DNAH10: variants seen among roughly 807,000 people sequenced by gnomAD.
The protein encoded by DNAH10 is dynein axonemal heavy chain 10, also known as axonemal beta dynein heavy chain 10.
In DNAH10, 348 loss-of-function variants were observed where a neutral mutation model predicts 506.6. The ratio of observed to expected loss-of-function variants is 0.69; its 90% confidence interval spans 0.63 to 0.75. The LOEUF (loss-of-function observed/expected upper bound fraction) is 0.75, where lower values mean the gene tolerates loss of function less well. Ranked by LOEUF, DNAH10 falls within the 30% of genes least tolerant of loss-of-function variation. DNAH10 has a pLI of 0.00. For missense variants in DNAH10, 5,179 were observed against 5,787.1 expected, an observed-to-expected ratio of 0.89 and a Z score of 3.41; for synonymous variants, 2,059 against 2,198.6, an observed-to-expected ratio of 0.94 and a Z score of 1.78.
At chr12:123,901,053 C>T (rs550868996) in intron 56 of DNAH10, among the ~76,000 whole-genome samples, 1 of 152,226 alleles carries the variant, frequency 6.6e-6, no homozygotes, top group Non-Finnish European at 1.5e-5. Flanking sequence ...AATCCTCTCT[C>T]CTGAGGGTGG....
rs938602938 is a variant in DNAH10 at position 123,868,611 on chromosome 12, G to A, written c.7519+492G>A. On this transcript the variant is annotated intron_variant, in intron 43 of 78. Coordinates refer to ENST00000673944, the MANE Select transcript of DNAH10 (RefSeq NM_001372106.1). ...ACATTTTATGTTTTTGCACAAAAAT[G>A]TGCATCTTCAATGAATCATACATGA... Among the ~76,000 whole-genome samples, 4 of 152,198 alleles carry A rather than the reference G, an allele frequency of 2.6e-5. No homozygotes were observed. The South Asian group carries it at 6.2e-4, about 24-fold the overall frequency.
At position 123,841,358 on chromosome 12, in the gene DNAH10, G is replaced by A. The variant is rs762922513; in HGVS notation, c.5173G>A (p.Gly1725Ser). The change falls in exon 30 of 79, where the codon GGC (glycine) becomes AGC (serine). Residue 1725 changes from glycine to serine, a missense_variant. This residue lies in a region of DNAH10 where 4,844 missense variants were observed against 5,430.5 expected (regional missense o/e 0.89). Coordinates refer to ENST00000673944, the MANE Select transcript of DNAH10 (RefSeq NM_001372106.1). ...DNIASLRFND[G>S]DSGEKLVSAM... ...CATAGCATCACTGAGGTTTAATGAC[G>A]GCGATAGTGGAGAAAAACTGGTGTC... 4 of 1,613,816 alleles carry A rather than the reference G, an allele frequency of 2.5e-6. No individual in the cohort carries two copies. Among genetic ancestry groups the A allele is most frequent in the South Asian group, 2.2e-5 (2 of 91,080 alleles).
At chr12:123,918,514 C>A in intron 64 of DNAH10, 162 bp from the exon 65 acceptor site, 1 of 767,040 alleles carries the variant, frequency 1.3e-6, no homozygotes, top group Non-Finnish European at 1.9e-6. Flanking sequence ...AAATATTCAC[C>A]CCTTCCTACA....
At chr12:123,776,635 C>T (rs114640564) in intron 5 of DNAH10, among the ~76,000 whole-genome samples, 2,052 of 136,514 alleles carry the variant, frequency 0.015, 53 homozygotes, top group African/African-American at 0.059. Flanking sequence ...TATTCCATCT[C>T]TAAAAAAAAA....
At chr12:123,929,891 A>G (rs899266995) in intron 72 of DNAH10, 132 bp downstream of exon 72, 44 of 760,356 alleles carry the variant, frequency 5.8e-5, no homozygotes, top group Non-Finnish European at 6.4e-6. Context: ...TTCTGTGACA[A>G]TTCTCTCTGC....
In DNAH10 at chr12:123,931,980, G is replaced by C; in HGVS notation, c.13168G>C (p.Asp4390His). The C allele has an allele frequency of 6.2e-7, 1 of 1,614,072 alleles. No individual in the cohort carries two copies. ...GEVGMSNELD[D>H]VARSLFIGHI... ...AGTTGGAATGAGCAATGAGTTAGAT[G>C]ATGTGGCCAGGTCTCTTTTTATCGG... The change falls in exon 76 of 79, where the codon GAT (aspartate) becomes CAT (histidine). Residue 4390 changes from aspartate to histidine, a missense_variant. Coordinates refer to ENST00000673944, the MANE Select transcript of DNAH10 (RefSeq NM_001372106.1).
chr12:123,887,341 G>C (rs369912156), intron 52 of DNAH10, 28 bp downstream of exon 52: 24 of 1,605,518 alleles, frequency 1.5e-5, no homozygotes, highest in Middle Eastern at 1.7e-4. Flanking sequence ...GCCCGCTGTG[G>C]CCAACACCCC....
At chr12:123,814,609 ATTTT>A (rs1214217837) in intron 21 of DNAH10, among the ~76,000 whole-genome samples, 1,293 of 121,134 alleles carry the variant, frequency 0.011, 12 homozygotes, top group African/African-American at 0.041. Context: ...GGCCAGGTAG[ATTTT>A]TTTTTTTTTT....
At position 123,875,440 on chromosome 12, in the gene DNAH10, A is replaced by G; in HGVS notation, c.8148A>G (p.Ser2716=). Residue 2716 remains serine (S), a synonymous_variant, in exon 47 of 79, where the codon TCA becomes TCG. Coordinates refer to ENST00000673944, the MANE Select transcript of DNAH10 (RefSeq NM_001372106.1). ...GTGTCTTCAATGTGCCATTTCCTTC[A>G]GAGGAGTCTCTGCATTTAATTTATT... The part of the protein sequence containing the change: ...LFSVFNVPFP[S]EESLHLIYSS... The G allele has an allele frequency of 6.2e-7, 1 of 1,614,064 alleles. No homozygotes were observed. The highest frequency in any genetic ancestry group is 8.5e-7 in the Non-Finnish European group (1 of 1,179,904).
At chr12:123,770,532 CTAA>C (rs1035579383) in intron 2 of DNAH10, among the ~76,000 whole-genome samples, 1 of 139,766 alleles carries the variant, frequency 7.2e-6, no homozygotes, top group Non-Finnish European at 1.5e-5. Context: ...TGCTAGTTCT[CTAA>C]TAATGTTGGT....
At chr12:123,877,680 C>T in intron 47 of DNAH10, 56 bp from the exon 48 acceptor site, 1 of 1,541,542 alleles carries the variant, frequency 6.5e-7, no homozygotes, top group Non-Finnish European at 8.7e-7. Flanking sequence ...TTTGTTTATT[C>T]ACTCATCTAC....
intron 52 of DNAH10, among the ~76,000 whole-genome samples, chr12:123,887,831 G>A (rs1168860174): frequency 3.3e-5 from 5 of 151,214 alleles, no homozygotes; most frequent in Admixed American, 6.6e-5. Context: ...TGCAAGCTCC[G>A]CCTCCTGGGT....
chr12:123,904,290 C>T (rs1594335392), intron 57 of DNAH10, among the ~76,000 whole-genome samples: 2 of 152,108 alleles, frequency 1.3e-5, no homozygotes, highest in South Asian at 2.1e-4. Flanking sequence ...GAAGTTTAGG[C>T]TGAGGTACCA....
In DNAH10 at chr12:123,864,607, T is replaced by C. The variant is rs774646670; in HGVS notation, c.6921T>C (p.Phe2307=). The C allele has an allele frequency of 6.2e-7, 1 of 1,613,834 alleles. No homozygotes were observed. Among genetic ancestry groups the C allele is most frequent in the Admixed American group, 1.7e-5 (1 of 59,990 alleles). The change falls in exon 40 of 79, where the codon TTT becomes TTC. Residue 2307 remains phenylalanine, a synonymous_variant. Transcript: ENST00000673944. ...TDKKERKYIL[F]DGDVDALWVE... is the part of the protein sequence containing the mutation. ...TTGGTTGCTGCAGGTATATTTTATT[T>C]GATGGTGATGTGGATGCTCTATGGG... is the stretch of plus-strand genomic sequence containing the variant.
chr12:123,908,874 G>A (rs145256449), intron 57 of DNAH10, among the ~76,000 whole-genome samples: 425 of 152,282 alleles, frequency 2.8e-3, no homozygotes, highest in African/African-American at 9.9e-3. Flanking sequence ...TGATGGTGAT[G>A]ATGATGATGA....
At chr12:123,844,654 C>T (rs1950885776) in intron 30 of DNAH10, among the ~76,000 whole-genome samples, 1 of 152,184 alleles carries the variant, frequency 6.6e-6, no homozygotes, top group Admixed American at 6.5e-5. Context: ...AATTTTCTTT[C>T]TTGAGACAGG....
chr12:123,834,687 TC>T (rs1475787642), intron 27 of DNAH10, among the ~76,000 whole-genome samples: 1 of 152,138 alleles, frequency 6.6e-6, no homozygotes, highest in Non-Finnish European at 1.5e-5. Context: ...TACCATCTCC[TC>T]CCCCAGCACC....
At chr12:123,775,204 T>A (rs1056942318) in intron 5 of DNAH10, among the ~76,000 whole-genome samples, 3 of 152,116 alleles carry the variant, frequency 2.0e-5, no homozygotes, top group Admixed American at 1.3e-4. Flanking sequence ...CAGCCTCAAC[T>A]CTCAAGTGAT....
At chr12:123,820,039 A>G (rs1959234780) in intron 23 of DNAH10, among the ~76,000 whole-genome samples, 1 of 152,134 alleles carries the variant, frequency 6.6e-6, no homozygotes, top group African/African-American at 2.4e-5. Context: ...TTTGGTAAAT[A>G]CCATGAGACA....
Sources: gnomAD v4.1 joint callset for allele counts (sites outside exome capture counted in the v4.1 genomes callset) on GRCh38, gnomAD v4.1.1 for gene constraint, gnomAD v4.1.1 regional missense constraint, MANE v1.5 for transcripts, NCBI Gene and HGNC (gene_info 2026-07-23, HGNC 2026-07-21) for gene names.